Variants in ARAP2 observed in about 807,000 individuals in gnomAD.
The protein encoded by ARAP2 is ArfGAP with RhoGAP domain, ankyrin repeat and PH domain 2.
Under a neutral mutation model 194.5 loss-of-function variants are expected in ARAP2, and 148 were observed. That is an observed-to-expected ratio of 0.76 (90% CI 0.67 to 0.87). ARAP2 has a LOEUF of 0.87. Among genes scored for constraint, ARAP2 ranks in the 40% least tolerant of loss-of-function variants. The pLI, the probability that ARAP2 is intolerant of heterozygous loss-of-function variation, is 0.00. For synonymous variants in ARAP2, 695 were observed against 683.5 expected, an observed-to-expected ratio of 1.02 and a Z score of -0.26; for missense variants, 2,128 against 1,989.7, an observed-to-expected ratio of 1.07 and a Z score of -1.32.
intron 7 of ARAP2, among the ~76,000 whole-genome samples, chr4:36,192,203 TAACC>T (rs1433341880): frequency 1.5e-5 from 2 of 133,562 alleles, no homozygotes; most frequent in Non-Finnish European, 3.1e-5. Flanking sequence ...TGCCAAAATG[TAACC>T]AACCATCTAG....
At chr4:36,018,886 T>C (rs1716376204) in intron 6 of ARAP2, among the ~76,000 whole-genome samples, 1 of 152,138 alleles carries the variant, frequency 6.6e-6, no homozygotes, top group African/African-American at 2.4e-5. Flanking sequence ...TGAAGGTAGA[T>C]AGGGTTGAAT....
At chr4:36,239,708 T>C (rs1035649337) in intron 1 of ARAP2, among the ~76,000 whole-genome samples, 1 of 152,228 alleles carries the variant, frequency 6.6e-6, no homozygotes, top group Admixed American at 6.5e-5. Context: ...ATTGTAAATA[T>C]ACTTAGCGTT....
chr4:36,210,729 C>A lies in ARAP2; in HGVS notation c.1148G>T (p.Arg383Ile). ...CTTGTCCTCGCTTATTTTCTCCTTT[C>A]TGTTATCGTATATGCTAAACGGAAA... ...FIIKSSIYDN[R>I]KEKISEDKVE... Residue 383 changes from arginine to isoleucine, a missense_variant, in exon 6 of 33, where the codon AGA becomes ATA. Transcript: ENST00000303965. 1 of 1,600,024 alleles carries A rather than the reference C, an allele frequency of 6.2e-7. No individual in the cohort carries two copies. The highest frequency in any genetic ancestry group is 8.5e-7 in the Non-Finnish European group (1 of 1,175,210).
At chr4:36,047,998 A>C (rs1722094833) in intron 3 of ARAP2, among the ~76,000 whole-genome samples, 1 of 152,200 alleles carries the variant, frequency 6.6e-6, no homozygotes, top group South Asian at 2.1e-4. Context: ...TGAAGATGGC[A>C]CTGAGAACTC....
chr4:36,179,750 C>A (rs1450006292), intron 8 of ARAP2, among the ~76,000 whole-genome samples: 2 of 152,102 alleles, frequency 1.3e-5, no homozygotes, highest in Non-Finnish European at 1.5e-5. Context: ...ACAGGTCTGC[C>A]CAGTGACTTC....
chr4:36,059,512 T>G (rs1724059208), intron 1 of ARAP2, among the ~76,000 whole-genome samples: 1 of 152,164 alleles, frequency 6.6e-6, no homozygotes, highest in Admixed American at 6.5e-5. Flanking sequence ...AGTAAAAAGC[T>G]TTAGATATAT....
chr4:36,097,961 T>C (rs991821262), intron 27 of ARAP2, among the ~76,000 whole-genome samples: 1 of 152,022 alleles, frequency 6.6e-6, no homozygotes, highest in Non-Finnish European at 1.5e-5. Context: ...TCTTTAAAAG[T>C]CACACGTAGG....
chr4:36,148,906 T>C (rs1730287917), intron 16 of ARAP2, among the ~76,000 whole-genome samples: 1 of 152,054 alleles, frequency 6.6e-6, no homozygotes, highest in Admixed American at 6.6e-5. Context: ...CTTCAAATGG[T>C]CCCAGTCACA....
Position 36,092,011 on chromosome 4 carries a change from G to A in ARAP2, c.4295C>T (p.Thr1432Ile), listed in dbSNP as rs371423839. ...DTIKHCSDRS[T>I]LGSIKEGILK... is the part of the protein sequence containing the mutation. Reference sequence around the variant, plus strand: ...GATTCCTTCTTTGATGCTTCCCAGTGTACTCCGGTCTGTAAAGTACAGCAT... The same window carrying A: ...GATTCCTTCTTTGATGCTTCCCAGTATACTCCGGTCTGTAAAGTACAGCAT... Residue 1432 changes from threonine to isoleucine, a missense_variant, in exon 28 of 33, where the codon ACA becomes ATA. Physicochemically the swap from Thr to Ile is moderately conservative, Grantham distance 89 (BLOSUM62 -1). Transcript: ENST00000303965. The A allele has an allele frequency of 6.3e-7, 1 of 1,594,350 alleles. No individual in the cohort carries two copies.
At chr4:36,016,240 A>G (rs922469299) in intron 6 of ARAP2, among the ~76,000 whole-genome samples, 1 of 152,194 alleles carries the variant, frequency 6.6e-6, no homozygotes, top group Non-Finnish European at 1.5e-5. Context: ...TTAAAAAGCC[A>G]TATAATACTA....
chr4:36,090,950 G>A (rs970247018), intron 28 of ARAP2, among the ~76,000 whole-genome samples: 10 of 151,940 alleles, frequency 6.6e-5, no homozygotes, highest in Non-Finnish European at 1.0e-4. Flanking sequence ...TTAACCTGTC[G>A]CAGTCTTATA....
intron 22 of ARAP2, among the ~76,000 whole-genome samples, chr4:36,122,645 C>T (rs554478820): frequency 6.6e-6 from 1 of 151,672 alleles, no homozygotes; most frequent in Non-Finnish European, 1.5e-5. Flanking sequence ...GGAGAAATAA[C>T]TAATGGGTAC....
chr4:36,036,700 G>A (rs1490136425), intron 5 of ARAP2, among the ~76,000 whole-genome samples: 1 of 151,994 alleles, frequency 6.6e-6, no homozygotes, highest in Non-Finnish European at 1.5e-5. Context: ...AAATTTTAAA[G>A]TGACTAAAAT....
At position 36,073,695 on chromosome 4, in the gene ARAP2, A is replaced by AT. The variant is rs34296521; in HGVS notation, c.4736dup (p.Asn1579LysfsTer3). 1 of 1,611,076 alleles carries AT rather than the reference A, an allele frequency of 6.2e-7. No individual in the cohort carries two copies. The highest frequency in any genetic ancestry group is 1.1e-5 in the South Asian group (1 of 90,600). On this transcript the variant is annotated frameshift_variant, in exon 32 of 33. Coordinates refer to ENST00000303965, the MANE Select transcript of ARAP2 (RefSeq NM_015230.4). LOFTEE classifies it low-confidence loss of function (END_TRUNC). ...AAACAAAATCCTAACCTACCTCAAT[A>AT]TTTTTCCGGGCCAAGGTTGCATTCC... is the stretch of plus-strand genomic sequence containing the variant.
intron 7 of ARAP2, among the ~76,000 whole-genome samples, chr4:36,190,671 C>T (rs922490530): frequency 6.6e-5 from 10 of 152,080 alleles, no homozygotes; most frequent in African/African-American, 2.4e-4. Context: ...AAATGTCACA[C>T]AGTTGGAGAA....
chr4:36,101,921 A>AT (rs1717045297), intron 27 of ARAP2, among the ~76,000 whole-genome samples: 1 of 151,918 alleles, frequency 6.6e-6, no homozygotes. Context: ...TTCATGTATC[A>AT]TTTTACACTG....
At chr4:36,080,119 AT>A in intron 31 of ARAP2, 96 bp downstream of exon 31, 1 of 961,436 alleles carries the variant, frequency 1.0e-6, no homozygotes, top group Non-Finnish European at 1.6e-6. Flanking sequence ...TACATTTAAA[AT>A]GCTTATTAAA....
intron 23 of ARAP2, 147 bp downstream of exon 23, chr4:36,121,032 T>C: frequency 1.6e-6 from 1 of 606,478 alleles, no homozygotes; most frequent in Non-Finnish European, 2.5e-6. Context: ...CTTATATCTA[T>C]AATTTAAAAA....
intron 19 of ARAP2, among the ~76,000 whole-genome samples, chr4:36,145,089 C>A (rs975383927): frequency 6.6e-6 from 1 of 151,386 alleles, no homozygotes; most frequent in Non-Finnish European, 1.5e-5. Context: ...GGGAAAAAAA[C>A]CAATTTGTTG....
Sources: allele counts gnomAD v4.1 joint callset (sites outside exome capture counted in the v4.1 genomes callset), GRCh38; gene constraint gnomAD v4.1.1; transcripts MANE v1.5; gene names NCBI Gene and HGNC (gene_info 2026-07-23, HGNC 2026-07-21).